REDIC1: variants seen among roughly 807,000 people sequenced by gnomAD.
REDIC1 encodes the protein regulator of DNA class I crossover intermediates 1.
chr12:39,883,516 A>G, the REDIC1 span, among the ~76,000 whole-genome samples: 1 of 152,184 alleles, frequency 6.6e-6, no homozygotes, highest in Admixed American at 6.6e-5. Flanking sequence ...ACAGGACGGA[A>G]AAAGGTGACA....
the REDIC1 span, among the ~76,000 whole-genome samples, chr12:39,885,469 G>A: frequency 1.5e-4 from 23 of 152,104 alleles, no homozygotes; most frequent in Admixed American, 1.2e-3. Context: ...CTTGATCCCC[G>A]CTTCTACAAT....
chr12:39,701,595 G>C, the REDIC1 span, among the ~76,000 whole-genome samples: 1 of 152,042 alleles, frequency 6.6e-6, no homozygotes, highest in Non-Finnish European at 1.5e-5. Context: ...AGACCTAATA[G>C]ACATCTACAG....
At chr12:39,644,052 A>C in the REDIC1 span, 52 of 645,228 alleles carry the variant, frequency 8.1e-5, no homozygotes, top group African/African-American at 9.5e-4. Context: ...CTCTTAAATT[A>C]GATGCCTAGT....
chr12:39,829,816 C>A, the REDIC1 span: 1 of 368,460 alleles, frequency 2.7e-6, no homozygotes, highest in Non-Finnish European at 5.1e-6. Context: ...GGAGAAATTG[C>A]CTTGGCAGTA....
the REDIC1 span, among the ~76,000 whole-genome samples, chr12:39,700,099 G>T: frequency 6.6e-6 from 1 of 152,206 alleles, no homozygotes; most frequent in African/African-American, 2.4e-5. Flanking sequence ...GAATGACTTT[G>T]ACGAGCTGAG....
chr12:39,639,157 C>A, the REDIC1 span, among the ~76,000 whole-genome samples: 1 of 152,070 alleles, frequency 6.6e-6, no homozygotes, highest in Middle Eastern at 3.4e-3. Context: ...TTTCTCAGGT[C>A]CTCCTTAGTC....
chr12:39,706,368 A>G, the REDIC1 span, among the ~76,000 whole-genome samples: 7 of 152,048 alleles, frequency 4.6e-5, no homozygotes, highest in African/African-American at 1.4e-4. Context: ...AATATTGTTT[A>G]AAATGTCCAT....
the REDIC1 span, chr12:39,721,726 T>C: frequency 1.3e-5 from 2 of 152,652 alleles, no homozygotes; most frequent in East Asian, 3.8e-4. Context: ...TAGCTACTTC[T>C]CTTTAATATT....
the REDIC1 span, among the ~76,000 whole-genome samples, chr12:39,809,510 A>G: frequency 1.3e-5 from 2 of 152,064 alleles, no homozygotes; most frequent in Non-Finnish European, 2.9e-5. Context: ...ATCTTTTTTA[A>G]AAATTATTAT....
the REDIC1 span, among the ~76,000 whole-genome samples, chr12:39,783,186 C>T: frequency 5.3e-4 from 81 of 152,128 alleles, no homozygotes; most frequent in African/African-American, 7.2e-4. Context: ...CATGTCCCTA[C>T]GAAGGACATG....
chr12:39,653,539 T>TC, the REDIC1 span, among the ~76,000 whole-genome samples: 1 of 56,108 alleles, frequency 1.8e-5, no homozygotes, highest in Non-Finnish European at 3.9e-5. Context: ...TCTTCTTCTT[T>TC]TTCTTCTTCT....
At chr12:39,773,386 A>G in the REDIC1 span, among the ~76,000 whole-genome samples, 14 of 152,326 alleles carry the variant, frequency 9.2e-5, no homozygotes, top group East Asian at 1.7e-3. Flanking sequence ...TCCCTGTTCC[A>G]ATCATGGAAT....
At chr12:39,768,678 A>T in the REDIC1 span, among the ~76,000 whole-genome samples, 1 of 152,042 alleles carries the variant, frequency 6.6e-6, no homozygotes, top group Non-Finnish European at 1.5e-5. Context: ...GACGTCTTAT[A>T]CGGGTGCAGT....
At chr12:39,730,889 A>G in the REDIC1 span, among the ~76,000 whole-genome samples, 1 of 151,832 alleles carries the variant, frequency 6.6e-6, no homozygotes, top group Middle Eastern at 3.4e-3. Flanking sequence ...TTCATGCTTT[A>G]TTTCATTAAG....
the REDIC1 span, chr12:39,716,967 A>G: frequency 1.9e-6 from 1 of 530,018 alleles, no homozygotes; most frequent in Non-Finnish European, 2.9e-6. Flanking sequence ...AATATAAACA[A>G]AAAGGTAAAA....
At chr12:39,837,788 G>T in the REDIC1 span, among the ~76,000 whole-genome samples, 1 of 152,164 alleles carries the variant, frequency 6.6e-6, no homozygotes, top group Non-Finnish European at 1.5e-5. Context: ...AAACCACTCT[G>T]AGATACCATC....
At chr12:39,852,305 G>C in the REDIC1 span, among the ~76,000 whole-genome samples, 12,677 of 152,196 alleles carry the variant, frequency 0.083, 1,170 homozygotes, top group African/African-American at 0.24. Context: ...TGGGCCTAAA[G>C]TTGTCTAAAC....
chr12:39,895,552 A>ACG, the REDIC1 span, among the ~76,000 whole-genome samples: 1 of 124,840 alleles, frequency 8.0e-6, no homozygotes, highest in African/African-American at 3.0e-5. Context: ...ATATATATAT[A>ACG]CACACACACA....
At chr12:39,751,740 A>T in the REDIC1 span, among the ~76,000 whole-genome samples, 1 of 152,216 alleles carries the variant, frequency 6.6e-6, no homozygotes, top group Admixed American at 6.5e-5. Flanking sequence ...GGATGAGTTC[A>T]TGTCCTTTGT....
Sources: allele counts gnomAD v4.1 joint callset (sites outside exome capture counted in the v4.1 genomes callset), GRCh38; gene constraint gnomAD v4.1.1; transcripts MANE v1.5; gene names NCBI Gene and HGNC (gene_info 2026-07-23, HGNC 2026-07-21).